Variants in PRKG1 observed in about 807,000 individuals in gnomAD.
PRKG1 encodes protein kinase cGMP-dependent 1.
A neutral mutation model predicts 88.1 loss-of-function variants in PRKG1; 35 were observed. The ratio of observed to expected loss-of-function variants is 0.40; its 90% confidence interval spans 0.30 to 0.53. The LOEUF (loss-of-function observed/expected upper bound fraction) is 0.53, where lower values mean the gene tolerates loss of function less well. Among genes scored for constraint, PRKG1 ranks in the 20% least tolerant of loss-of-function variants. The probability of loss-of-function intolerance (pLI) is 0.59; values close to 1 mark genes in which losing one functional copy is unlikely to be tolerated. For missense variants in PRKG1, 540 were observed against 839.8 expected, an observed-to-expected ratio of 0.64 and a Z score of 4.41; for synonymous variants, 303 against 292.5, an observed-to-expected ratio of 1.04 and a Z score of -0.37.
At chr10:51,949,776 A>T (rs11594267) in intron 5 of PRKG1, among the ~76,000 whole-genome samples, 1 of 152,112 alleles carries the variant, frequency 6.6e-6, no homozygotes, top group East Asian at 1.9e-4. Flanking sequence ...AAATTAAATC[A>T]TGTTTACATG....
At chr10:51,712,546 C>A (rs1419828871) in intron 3 of PRKG1, among the ~76,000 whole-genome samples, 1 of 117,250 alleles carries the variant, frequency 8.5e-6, no homozygotes, top group Non-Finnish European at 1.8e-5. Context: ...ACAACTCTGT[C>A]TTTTTTATAA....
At chr10:51,670,745 T>A (rs12358899) in intron 3 of PRKG1, among the ~76,000 whole-genome samples, 12,213 of 71,720 alleles carry the variant, frequency 0.17, 647 homozygotes, top group Non-Finnish European at 0.21. Flanking sequence ...CAAAAAAAAA[T>A]AAATAAATAA....
At chr10:52,059,196 G>A (rs768612865) in intron 6 of PRKG1, among the ~76,000 whole-genome samples, 2 of 151,946 alleles carry the variant, frequency 1.3e-5, no homozygotes, top group African/African-American at 2.4e-5. Flanking sequence ...AGAGCAACTG[G>A]TATTCTCAAT....
chr10:51,108,110 A>G (rs554451758), intron 1 of PRKG1, among the ~76,000 whole-genome samples: 11 of 152,272 alleles, frequency 7.2e-5, no homozygotes, highest in Admixed American at 2.0e-4. Flanking sequence ...GTTTATATTT[A>G]AAAACTTCCA....
chr10:51,722,962 T>C (rs1175936958), intron 3 of PRKG1, among the ~76,000 whole-genome samples: 1 of 152,164 alleles, frequency 6.6e-6, no homozygotes, highest in Non-Finnish European at 1.5e-5. Flanking sequence ...CAAATGAACG[T>C]GTTCTCTGTG....
At chr10:51,354,199 C>A (rs1260634570) in intron 2 of PRKG1, among the ~76,000 whole-genome samples, 4 of 149,850 alleles carry the variant, frequency 2.7e-5, no homozygotes, top group Non-Finnish European at 3.0e-5. Flanking sequence ...TTAATGGGCA[C>A]AAAAAAAAAA....
intron 3 of PRKG1, among the ~76,000 whole-genome samples, chr10:51,513,592 G>T (rs1841487055): frequency 1.5e-5 from 1 of 66,450 alleles, no homozygotes; most frequent in Non-Finnish European, 2.7e-5. Context: ...CCACATACTT[G>T]GAAGTAAAGC....
chr10:51,892,155 A>G (rs553325270), intron 4 of PRKG1, among the ~76,000 whole-genome samples: 10 of 152,236 alleles, frequency 6.6e-5, no homozygotes, highest in Non-Finnish European at 1.2e-4. Flanking sequence ...ATATTCCCGA[A>G]TAAAGGAGTT....
rs890062107 is a variant in PRKG1 at position 52,156,933 on chromosome 10, A to G, written c.1002-4956A>G. Among the ~76,000 whole-genome samples the G allele has an allele frequency of 6.7e-4, 101 of 151,844 alleles. 1 individual carries two copies. The South Asian group carries it at 8.9e-3, about 13-fold the overall frequency. On this transcript the variant is annotated intron_variant, in intron 8 of 17. Transcript: ENST00000373980. ...TGAAATTAAGAAGGCGTAGCCAAGC[A>G]TTCTGATAATACCTGACAAACATTT...
At chr10:52,106,162 G>A (rs746356204) in intron 7 of PRKG1, among the ~76,000 whole-genome samples, 50 of 152,160 alleles carry the variant, frequency 3.3e-4, no homozygotes, top group Non-Finnish European at 7.4e-5. Flanking sequence ...TAAAATAACA[G>A]AGTCTCCAAA....
intron 5 of PRKG1, among the ~76,000 whole-genome samples, chr10:52,044,341 G>A (rs1269642679): frequency 1.3e-5 from 2 of 152,062 alleles, no homozygotes. Context: ...CAGATGAACT[G>A]AGTCAATGTG....
chr10:51,907,371 A>C, intron 4 of PRKG1, 136 bp from the exon 5 acceptor site: 143 of 606,860 alleles, frequency 2.4e-4, no homozygotes, highest in Non-Finnish European at 3.1e-4. Context: ...TTGTGTGGCT[A>C]ATGCATTTTT....
chr10:51,735,719 A>G (rs1433470531), intron 3 of PRKG1, among the ~76,000 whole-genome samples: 1 of 151,874 alleles, frequency 6.6e-6, no homozygotes, highest in East Asian at 1.9e-4. Flanking sequence ...AAATGTAAAT[A>G]GTTGTTATAC....
rs1839325399 is a variant in PRKG1, at chr10:52,190,076, C to T, written c.1076+28113C>T. 1.3e-5 allele frequency among the ~76,000 whole-genome samples: 2 copies of T among 152,128 alleles called. 1 individual carries two copies. The highest frequency in any genetic ancestry group is 4.1e-4 in the South Asian group (2 of 4,828). ...AGCCCCTGCTTATGAAAACTCTTAA[C>T]CAGAAAGCTCAAATAGTCCAAATTA... is the stretch of plus-strand genomic sequence containing the variant. On this transcript the variant is annotated intron_variant, in intron 9 of 17. Transcript: ENST00000373980.
intron 3 of PRKG1, among the ~76,000 whole-genome samples, chr10:51,665,171 T>C (rs1396772333): frequency 2.0e-5 from 3 of 152,178 alleles, no homozygotes; most frequent in Non-Finnish European, 2.9e-5. Flanking sequence ...TTGTATCATG[T>C]AATGATTAGA....
At chr10:51,427,461 A>G (rs1271337464) in intron 2 of PRKG1, among the ~76,000 whole-genome samples, 1 of 152,220 alleles carries the variant, frequency 6.6e-6, no homozygotes, top group Non-Finnish European at 1.5e-5. Context: ...TGTGCTGGGT[A>G]GGATATATAG....
At chr10:51,871,282 G>A (rs1280540190) in intron 4 of PRKG1, among the ~76,000 whole-genome samples, 1 of 152,178 alleles carries the variant, frequency 6.6e-6, no homozygotes, top group Non-Finnish European at 1.5e-5. Context: ...ACTGTTAGTA[G>A]AGTTTTAATA....
intron 3 of PRKG1, among the ~76,000 whole-genome samples, chr10:51,595,842 T>C (rs989483981): frequency 6.6e-6 from 1 of 151,942 alleles, no homozygotes; most frequent in African/African-American, 2.4e-5. Context: ...TTTTGTTTTG[T>C]TTTGTTTTTT....
chr10:52,262,749 C>T (rs1391312181), intron 10 of PRKG1, among the ~76,000 whole-genome samples: 3 of 152,100 alleles, frequency 2.0e-5, no homozygotes, highest in Non-Finnish European at 2.9e-5. Context: ...TCAAAATTTA[C>T]AGATGCTTAA....
Sources: allele counts gnomAD v4.1 joint callset (sites outside exome capture counted in the v4.1 genomes callset), GRCh38; gene constraint gnomAD v4.1.1; transcripts MANE v1.5; gene names NCBI Gene and HGNC (gene_info 2026-07-23, HGNC 2026-07-21).